PCDH17: variants seen among roughly 807,000 people sequenced by gnomAD.
PCDH17 encodes protocadherin-17.
A neutral mutation model predicts 67.7 loss-of-function variants in PCDH17; 21 were observed. The ratio of observed to expected loss-of-function variants is 0.31; its 90% CI spans 0.22 to 0.45. The LOEUF is 0.45. Ranked by LOEUF, PCDH17 falls within the 20% of genes least tolerant of loss-of-function variation. The pLI is 1.00. For missense variants in PCDH17, 1,471 were observed against 1,564.8 expected (o/e 0.94, Z 1.01); for synonymous variants, 701 against 656.7 (o/e 1.07, Z -1.03).
rs550306604 is a variant in PCDH17 at position 57,648,714 on chromosome 13, A to G, written c.2565+13603A>G. Among the ~76,000 whole-genome samples the G allele has an allele frequency of 1.5e-3, 222 of 151,996 alleles. 2 individuals carry two copies. The highest frequency in any genetic ancestry group is 5.3e-3 in the African/African-American group (220 of 41,524). On this transcript the variant is annotated intron_variant, in intron 1 of 3. Transcript: ENST00000377918. Reference sequence around the variant, plus strand: ...TGCAAATTCCTACCTCACATTAATTATTTTCTGGATTCATATTACCTTAGA... The same window carrying G: ...TGCAAATTCCTACCTCACATTAATTGTTTTCTGGATTCATATTACCTTAGA...
At chr13:57,656,664 G>C in intron 1 of PCDH17, among the ~76,000 whole-genome samples, 1 of 152,130 alleles carries the variant, frequency 6.6e-6, no homozygotes, top group East Asian at 1.9e-4. Context: ...ACGGGAGGAA[G>C]AAAGCAGAGG....
At chr13:57,687,254 A>T (rs1593927447) in intron 3 of PCDH17, among the ~76,000 whole-genome samples, 1 of 152,046 alleles carries the variant, frequency 6.6e-6, no homozygotes, top group Non-Finnish European at 1.5e-5. Context: ...ACATTTAAAG[A>T]AGGGTAAATG....
At chr13:57,697,728 A>C (rs973424376) in intron 3 of PCDH17, among the ~76,000 whole-genome samples, 1 of 151,666 alleles carries the variant, frequency 6.6e-6, no homozygotes, top group African/African-American at 2.4e-5. Context: ...TAAAACACAG[A>C]CTATGTATCT....
chr13:57,633,917 G>A lies in PCDH17; in HGVS notation c.1371G>A (p.Ser457=). 2 of 1,613,370 alleles carry A rather than the reference G, an allele frequency of 1.2e-6. No homozygotes were observed. Among genetic ancestry groups the A allele is most frequent in the Non-Finnish European group, 1.7e-6 (2 of 1,180,032 alleles). ...CTCCTCCCCTCAACTCCACCAAGTC[G>A]TTCGCGATCAAGATTCTAGACGAGA... The part of the protein sequence containing the change: ...GGSPPLNSTK[S]FAIKILDEND... The change falls in exon 1 of 4, where the codon TCG becomes TCA. Residue 457 remains serine, a synonymous_variant. Transcript: ENST00000377918. This position sits in a 1 kb window ranked among gnomAD's most constrained non-coding sequence, Gnocchi z 6.2.
At chr13:57,675,460 T>C (rs1037724673) in intron 3 of PCDH17, among the ~76,000 whole-genome samples, 2 of 151,920 alleles carry the variant, frequency 1.3e-5, no homozygotes, top group Admixed American at 1.3e-4. Context: ...CATAAGAGAA[T>C]CTGACATATA....
intron 3 of PCDH17, among the ~76,000 whole-genome samples, chr13:57,708,650 A>G (rs951331757): frequency 1.3e-5 from 2 of 151,954 alleles, no homozygotes; most frequent in Non-Finnish European, 2.9e-5. Flanking sequence ...TCCCCAGGGC[A>G]ACAGTGAGAA....
chr13:57,724,753 C>T lies in PCDH17; in HGVS notation c.2939C>T (p.Ala980Val). The change falls in exon 4 of 4, where the codon GCT (alanine) becomes GTT (valine). Residue 980 changes from alanine (A) to valine (V), a missense_variant. Coordinates refer to ENST00000377918, the MANE Select transcript of PCDH17 (RefSeq NM_001040429.3). ...RTNLFVPTVE[A>V]NVETETYETV... ...AATCTCTTTGTACCTACAGTTGAAG[C>T]TAATGTTGAGACTGAGACTTACGAA... 2 of 1,614,150 alleles carry T rather than the reference C, an allele frequency of 1.2e-6. No individual in the cohort carries two copies. The highest frequency in any genetic ancestry group is 1.7e-6 in the Non-Finnish European group (2 of 1,180,010).
At chr13:57,655,444 G>T (rs1021935943) in intron 1 of PCDH17, among the ~76,000 whole-genome samples, 2 of 151,824 alleles carry the variant, frequency 1.3e-5, no homozygotes, top group Non-Finnish European at 2.9e-5. Context: ...CAGACTTGTA[G>T]TCTGTTATAT....
At chr13:57,715,907 A>T (rs1357556455) in intron 3 of PCDH17, among the ~76,000 whole-genome samples, 1 of 152,014 alleles carries the variant, frequency 6.6e-6, no homozygotes, top group Non-Finnish European at 1.5e-5. Flanking sequence ...TAGGAAAAAG[A>T]AATATTTTTC....
chr13:57,696,056 T>C (rs1336076147), intron 3 of PCDH17, among the ~76,000 whole-genome samples: 1 of 151,414 alleles, frequency 6.6e-6, no homozygotes, highest in African/African-American at 2.4e-5. Flanking sequence ...GAAGTTCAAG[T>C]GTATTGATAC....
chr13:57,637,847 T>C (rs1201079222), intron 1 of PCDH17, among the ~76,000 whole-genome samples: 1 of 152,054 alleles, frequency 6.6e-6, no homozygotes, highest in Non-Finnish European at 1.5e-5. Context: ...GCATTTTGTG[T>C]GGGTCAAAGG....
intron 3 of PCDH17, among the ~76,000 whole-genome samples, chr13:57,691,946 AATT>A (rs1433705574): frequency 6.6e-6 from 1 of 151,194 alleles, no homozygotes; most frequent in African/African-American, 2.4e-5. Context: ...TCTATTTTGA[AATT>A]ATACTAGAGC....
chr13:57,704,182 C>G (rs777936394), intron 3 of PCDH17, among the ~76,000 whole-genome samples: 2 of 152,046 alleles, frequency 1.3e-5, no homozygotes, highest in Non-Finnish European at 2.9e-5. Flanking sequence ...CACAACCCGG[C>G]TGTACCTGTC....
At position 57,634,660 on chromosome 13, in the gene PCDH17, C is replaced by G. The variant is rs1163572321; in HGVS notation, c.2114C>G (p.Ser705Trp). The change falls in exon 1 of 4, where the codon TCG becomes TGG. Residue 705 changes from serine to tryptophan, a missense_variant. Ser to Trp is a radical substitution (Grantham distance 177, BLOSUM62 -3). This residue lies in a region of PCDH17 where 1,163 missense variants were observed against 1,230.0 expected (regional missense o/e 0.95). Transcript: ENST00000377918. The surrounding 1 kb of genome is among the most constrained non-coding windows in gnomAD (Gnocchi z 7.8). ...GGCGAGCAGCACCACTGGGACATGT[C>G]GCTGCCGCTCATCGTGACTCTGAGC... Reference protein sequence around the residue: ...VNGEQHHWDMSLPLIVTLSTI... With the variant: ...VNGEQHHWDMWLPLIVTLSTI... 9 of 1,613,404 alleles carry G rather than the reference C, an allele frequency of 5.6e-6. No homozygotes were observed. Among genetic ancestry groups the G allele is most frequent in the Non-Finnish European group, 7.6e-6 (9 of 1,180,004 alleles).
intron 1 of PCDH17, among the ~76,000 whole-genome samples, chr13:57,640,687 C>A (rs1423440309): frequency 2.6e-5 from 4 of 151,936 alleles, no homozygotes; most frequent in Admixed American, 2.0e-4. Flanking sequence ...AAAATCTCAC[C>A]CAAGTTCCTG....
At chr13:57,700,038 T>C (rs4444226) in intron 3 of PCDH17, among the ~76,000 whole-genome samples, 9,631 of 152,122 alleles carry the variant, frequency 0.063, 341 homozygotes, top group Middle Eastern at 0.099. Flanking sequence ...TTAATAGCAG[T>C]TCCTATCACT....
chr13:57,669,508 TTATC>T (rs1479212984), intron 3 of PCDH17, among the ~76,000 whole-genome samples: 2 of 152,030 alleles, frequency 1.3e-5, no homozygotes, highest in Admixed American at 6.6e-5. Context: ...GTCAACTATT[TTATC>T]TATCTGTCAG....
At chr13:57,635,991 A>G (rs1384536928) in intron 1 of PCDH17, among the ~76,000 whole-genome samples, 3 of 152,206 alleles carry the variant, frequency 2.0e-5, no homozygotes, top group Admixed American at 2.0e-4. Flanking sequence ...TTCATGATGC[A>G]TTTAGTTTGC....
chr13:57,660,978 G>A (rs1955175161), intron 1 of PCDH17, among the ~76,000 whole-genome samples: 1 of 152,120 alleles, frequency 6.6e-6, no homozygotes, highest in African/African-American at 2.4e-5. Flanking sequence ...CAAACATACA[G>A]AATTTTGTGT....
Sources: gnomAD v4.1 joint callset for allele counts (sites outside exome capture counted in the v4.1 genomes callset) on GRCh38, gnomAD v4.1.1 for gene constraint, gnomAD v4.1.1 regional missense constraint, Gnocchi (gnomAD v3.1) non-coding constraint, MANE v1.5 for transcripts, NCBI Gene and HGNC (gene_info 2026-07-23, HGNC 2026-07-21) for gene names.